CDH8: variants seen among roughly 807,000 people sequenced by gnomAD.
The protein encoded by CDH8 is cadherin 8.
A neutral mutation model predicts 68.1 loss-of-function variants in CDH8; 17 were observed. The ratio of observed to expected loss-of-function variants is 0.25; its 90% confidence interval spans 0.17 to 0.37. The LOEUF (loss-of-function observed/expected upper bound fraction) is 0.37. Ranked by LOEUF, CDH8 falls within the 10% of genes least tolerant of loss-of-function variation. The pLI, the probability that CDH8 is intolerant of heterozygous loss-of-function variation, is 1.00. For missense variants in CDH8, 763 were observed against 999.3 expected, an observed-to-expected ratio of 0.76 and a Z score of 3.19; for synonymous variants, 372 against 365.1, an observed-to-expected ratio of 1.02 and a Z score of -0.21.
chr16:61,724,727 G>A (rs1959294922), intron 9 of CDH8, among the ~76,000 whole-genome samples: 2 of 150,826 alleles, frequency 1.3e-5, no homozygotes, highest in East Asian at 2.0e-4. Context: ...TATTTTTCAC[G>A]AGCATGTGAT....
intron 9 of CDH8, among the ~76,000 whole-genome samples, chr16:61,717,506 A>C (rs865924251): frequency 1.3e-5 from 2 of 151,678 alleles, no homozygotes; most frequent in Non-Finnish European, 3.0e-5. Context: ...TTAACAGAGT[A>C]TATTAAACTT....
At chr16:61,689,890 C>T (rs1964184383) in intron 10 of CDH8, among the ~76,000 whole-genome samples, 1 of 151,942 alleles carries the variant, frequency 6.6e-6, no homozygotes, top group Admixed American at 6.6e-5. Context: ...CTCAAGGTTA[C>T]ATCACTAATA....
In CDH8 at chr16:61,857,206, C is replaced by T. The variant is rs772250744; in HGVS notation, c.580G>A (p.Ala194Thr). The T allele has an allele frequency of 7.4e-6, 12 of 1,612,552 alleles. No homozygotes were observed. Among genetic ancestry groups the T allele is most frequent in the African/African-American group, 2.7e-5 (2 of 74,816 alleles). Residue 194 changes from alanine to threonine, a missense_variant, in exon 4 of 12, where the codon GCT becomes ACT. Around this residue, in one of 2 missense-constraint regions of CDH8, gnomAD observed 366 missense variants for 563.1 expected, o/e 0.65. Coordinates refer to ENST00000577390, the MANE Select transcript of CDH8 (RefSeq NM_001796.5). ...TSVTNVTATD[A>T]DDPVYGNSAK... Reference sequence around the variant, plus strand: ...CTGTTTCCATAAACTGGGTCATCAGCGTCGGTCGCAGTGACGTTAGTGACA... The same window carrying T: ...CTGTTTCCATAAACTGGGTCATCAGTGTCGGTCGCAGTGACGTTAGTGACA...
intron 10 of CDH8, among the ~76,000 whole-genome samples, chr16:61,696,587 A>G (rs1964332235): frequency 6.6e-6 from 1 of 152,148 alleles, no homozygotes; most frequent in Non-Finnish European, 1.5e-5. Context: ...CTACCATTTG[A>G]CCCAGCATTT....
chr16:61,823,908 T>C (rs1962271539), intron 5 of CDH8, among the ~76,000 whole-genome samples: 1 of 151,872 alleles, frequency 6.6e-6, no homozygotes, highest in Admixed American at 6.6e-5. Context: ...TTATTGACTA[T>C]ATTTAAGGTG....
At chr16:61,887,482 T>C (rs1368153006) in intron 3 of CDH8, among the ~76,000 whole-genome samples, 4 of 152,204 alleles carry the variant, frequency 2.6e-5, no homozygotes, top group Non-Finnish European at 5.9e-5. Flanking sequence ...CTGAGCCTTC[T>C]CTCTCTGGCT....
intron 8 of CDH8, among the ~76,000 whole-genome samples, chr16:61,777,259 C>G (rs1195194378): frequency 6.6e-6 from 1 of 152,052 alleles, no homozygotes; most frequent in Non-Finnish European, 1.5e-5. Flanking sequence ...TAGGGTCTTC[C>G]TTACTTCCTT....
chr16:61,764,483 T>G (rs1013294895), intron 8 of CDH8, among the ~76,000 whole-genome samples: 5 of 152,100 alleles, frequency 3.3e-5, no homozygotes, highest in Non-Finnish European at 5.9e-5. Flanking sequence ...CTATTCATAT[T>G]CAATTCCTGA....
chr16:61,699,521 G>T (rs533818879), intron 10 of CDH8, among the ~76,000 whole-genome samples: 1 of 151,972 alleles, frequency 6.6e-6, no homozygotes, highest in Non-Finnish European at 1.5e-5. Flanking sequence ...TCAGTGGAGC[G>T]TTGATCTCCA....
At chr16:61,920,902 C>T (rs1964353237) in intron 2 of CDH8, among the ~76,000 whole-genome samples, 1 of 136,434 alleles carries the variant, frequency 7.3e-6, no homozygotes, top group Non-Finnish European at 1.5e-5. Context: ...GGCACATATA[C>T]ACCATGGAAT....
At chr16:61,822,357 C>A (rs1392897309) in intron 5 of CDH8, among the ~76,000 whole-genome samples, 1 of 150,596 alleles carries the variant, frequency 6.6e-6, no homozygotes, top group Non-Finnish European at 1.5e-5. Context: ...TTCTGGGGAA[C>A]CCAAACTCAA....
At chr16:61,845,831 G>A (rs1206735456) in intron 4 of CDH8, among the ~76,000 whole-genome samples, 1 of 151,870 alleles carries the variant, frequency 6.6e-6, no homozygotes, top group Non-Finnish European at 1.5e-5. Context: ...TCACTTATTT[G>A]AAACATAATA....
At chr16:62,020,757 A>G (rs1902054561) in intron 2 of CDH8, among the ~76,000 whole-genome samples, 1 of 152,250 alleles carries the variant, frequency 6.6e-6, no homozygotes, top group Non-Finnish European at 1.5e-5. Context: ...AAAATAAAAC[A>G]AAATAAACTC....
At chr16:61,654,345 G>T (rs935306983) in intron 11 of CDH8, among the ~76,000 whole-genome samples, 1 of 152,138 alleles carries the variant, frequency 6.6e-6, no homozygotes, top group Non-Finnish European at 1.5e-5. Flanking sequence ...GAATTGGCAT[G>T]CATGTATTCA....
chr16:61,980,585 G>A (rs1057423376), intron 2 of CDH8, among the ~76,000 whole-genome samples: 11 of 152,076 alleles, frequency 7.2e-5, no homozygotes, highest in East Asian at 3.9e-4. Flanking sequence ...GATGAATCCC[G>A]TTTTTTGTAA....
intron 2 of CDH8, among the ~76,000 whole-genome samples, chr16:61,966,541 T>TAA (rs1001165470): frequency 7.0e-6 from 1 of 141,852 alleles, no homozygotes; most frequent in Non-Finnish European, 1.6e-5. Flanking sequence ...CATCTCAAAA[T>TAA]AAAAAAAAAA....
At chr16:61,996,747 T>C (rs780358985) in intron 2 of CDH8, among the ~76,000 whole-genome samples, 5 of 152,208 alleles carry the variant, frequency 3.3e-5, no homozygotes, top group Admixed American at 6.5e-5. Context: ...TTTATTCATT[T>C]ATATTTATTT....
chr16:61,652,301 T>C lies in CDH8; in HGVS notation c.*1307A>G, dbSNP rs1192416556. The C allele has an allele frequency of 2.0e-6, 2 of 985,094 alleles. No individual in the cohort carries two copies. Among genetic ancestry groups the C allele is most frequent in the African/African-American group, 1.7e-5 (1 of 57,230 alleles). The allele number at this position is 985,094 out of a possible 1,614,324, so 61.0% of individuals were successfully genotyped here. Reference sequence around the variant, plus strand: ...GCTAAAAACGTAAACAGTGAAATTATGTACAAATCAGTTCCTGCTCTAAAA... The same window carrying C: ...GCTAAAAACGTAAACAGTGAAATTACGTACAAATCAGTTCCTGCTCTAAAA... On this transcript the variant is annotated 3_prime_UTR_variant, in exon 12 of 12. Coordinates refer to ENST00000577390, the MANE Select transcript of CDH8 (RefSeq NM_001796.5).
intron 10 of CDH8, chr16:61,693,007 T>C (rs182589407): frequency 1.3e-5 from 2 of 152,140 alleles, no homozygotes; most frequent in East Asian, 3.9e-4. Context: ...CAAAATAAAT[T>C]TGTGGATATT....
Sources: gnomAD v4.1 joint callset for allele counts (sites outside exome capture counted in the v4.1 genomes callset) on GRCh38, gnomAD v4.1.1 for gene constraint, gnomAD v4.1.1 regional missense constraint, MANE v1.5 for transcripts, NCBI Gene and HGNC (gene_info 2026-07-23, HGNC 2026-07-21) for gene names.